Variants in MLLT6 observed in about 807,000 individuals in gnomAD.
MLLT6 encodes the protein protein AF-17.
Under a neutral mutation model 103.0 loss-of-function variants are expected in MLLT6, and 22 were observed. That is an observed-to-expected ratio of 0.21 (90% CI 0.15 to 0.31). The LOEUF (loss-of-function observed/expected upper bound fraction) is 0.31, where lower values mean the gene tolerates loss of function less well. Among genes scored for constraint, MLLT6 ranks in the 10% least tolerant of loss-of-function variants. The probability of loss-of-function intolerance (pLI) is 1.00; values close to 1 mark genes in which losing one functional copy is unlikely to be tolerated. For synonymous variants in MLLT6, 606 were observed against 623.5 expected (o/e 0.97, Z 0.42); for missense variants, 1,199 against 1,441.7 (o/e 0.83, Z 2.73).
rs1906123711 is a variant in MLLT6, at chr17:38,727,954, G to A, written c.*2356G>A. On this transcript the variant is annotated 3_prime_UTR_variant, in exon 20 of 20. Transcript: ENST00000621332. ...TACCCCGAGGTTGCCATGTTGAAGA[G>A]TGAGAGGTCCAAGTGATTCTGTGCA... The A allele has an allele frequency of 4.3e-6, 1 of 233,218 alleles. No individual in the cohort carries two copies. The allele number at this position is 233,218 out of a possible 1,614,324, so 14.4% of individuals were successfully genotyped here.
intron 14 of MLLT6, 38 bp from the exon 15 acceptor site, chr17:38,720,334 C>T (rs1249021212): frequency 6.8e-7 from 1 of 1,474,944 alleles, no homozygotes; most frequent in Non-Finnish European, 9.2e-7. Flanking sequence ...CGCCTCCGCC[C>T]CCTCGCCCCT....
At chr17:38,713,158 C>A in intron 8 of MLLT6, 1 of 644,226 alleles carries the variant, frequency 1.6e-6, no homozygotes, top group Non-Finnish European at 2.9e-6. Context: ...TACGCCCCAT[C>A]AGGAGGACAC....
Position 38,727,847 on chromosome 17 carries a change from C to T in MLLT6, c.*2249C>T, listed in dbSNP as rs1567933457. ...TTCAGAGATTCTTAGAAGAGTTGCT[C>T]ATTCACACCCACGCCCTTGCCCAAG... On this transcript the variant is annotated 3_prime_UTR_variant, in exon 20 of 20. Coordinates refer to ENST00000621332, the MANE Select transcript of MLLT6 (RefSeq NM_005937.4). 1 of 233,072 alleles carries T rather than the reference C, an allele frequency of 4.3e-6. No homozygotes were observed. 14.4% of individuals were successfully genotyped at this position (233,072 alleles called of 1,614,324 possible).
At chr17:38,712,192 C>T (rs1905165373) in intron 7 of MLLT6, 178 bp downstream of exon 7, 1 of 862,058 alleles carries the variant, frequency 1.2e-6, no homozygotes, top group African/African-American at 1.8e-5. Flanking sequence ...GAGGCGGGAG[C>T]TTGGCTTCCC....
chr17:38,729,091 G>A lies in MLLT6; in HGVS notation c.*3493G>A. ...AGAAATGAGAGGAGCCCAAGCCAGGGGCCAGCTCCGAGAAAGGGTAACCTC... is the reference window on the plus strand; with the variant it reads ...AGAAATGAGAGGAGCCCAAGCCAGGAGCCAGCTCCGAGAAAGGGTAACCTC... On this transcript the variant is annotated 3_prime_UTR_variant, in exon 20 of 20. Transcript: ENST00000621332. 4.3e-6 allele frequency: 1 copy of A among 233,258 alleles called. No individual in the cohort carries two copies. The highest frequency in any genetic ancestry group is 6.0e-5 in the East Asian group (1 of 16,582). 14.4% of individuals were successfully genotyped at this position (233,258 alleles called of 1,614,324 possible).
At chr17:38,717,301 A>G in intron 10 of MLLT6, 131 bp from the exon 11 acceptor site, 1 of 795,866 alleles carries the variant, frequency 1.3e-6, no homozygotes, top group Non-Finnish European at 2.0e-6. Context: ...TTGCAGCAAG[A>G]GGGTTAGACT....
chr17:38,717,775 C>A, intron 11 of MLLT6, 70 bp from the exon 12 acceptor site: 2 of 1,424,570 alleles, frequency 1.4e-6, no homozygotes, highest in Non-Finnish European at 9.9e-7. Context: ...CGGCCCCCTG[C>A]ACCCCGGTAC....
chr17:38,724,632 G>A lies in MLLT6; in HGVS notation c.2896G>A (p.Val966Ile). 6.3e-7 allele frequency: 1 copy of A among 1,599,892 alleles called. No homozygotes were observed. The highest frequency in any genetic ancestry group is 8.5e-7 in the Non-Finnish European group (1 of 1,171,042). Reference sequence around the variant, plus strand: ...GGCCCCCTTGCAGGAACACCAGACTGTTGTCTACCAGATGATCCAGCAGAT... The same window carrying A: ...GGCCCCCTTGCAGGAACACCAGACTATTGTCTACCAGATGATCCAGCAGAT... ...SPQLTPEHQT[V>I]VYQMIQQIQQ... Residue 966 changes from valine to isoleucine, a missense_variant, in exon 19 of 20, where the codon GTT becomes ATT. By Grantham distance (29) the Val-to-Ile change is conservative (BLOSUM62 3). Transcript: ENST00000621332. The surrounding 1 kb of genome is among the most constrained non-coding windows in gnomAD (Gnocchi z 5.4).
chr17:38,707,115 A>T, intron 2 of MLLT6, 86 bp downstream of exon 2: 1 of 1,193,554 alleles, frequency 8.4e-7, no homozygotes, highest in Non-Finnish European at 1.2e-6. Flanking sequence ...TCTGAGGCCG[A>T]GGCTAGGGTG....
In MLLT6 at chr17:38,720,562, T is replaced by G; in HGVS notation, c.2346T>G (p.Pro782=). 6.2e-7 allele frequency: 1 copy of G among 1,612,128 alleles called. No individual in the cohort carries two copies. The highest frequency in any genetic ancestry group is 8.5e-7 in the Non-Finnish European group (1 of 1,179,584). ...NGPVPGPYGL[P]PQAGSSDSLS... is the part of the protein sequence containing the mutation. ...CTGTCCCTGGGCCCTATGGCCTGCC[T>G]CCCCAAGGTGAGGGGATCCTGCCCA... Residue 782 remains proline, a synonymous_variant, in exon 15 of 20, where the codon CCT becomes CCG. Transcript: ENST00000621332.
In MLLT6 at chr17:38,721,859, C is replaced by A; in HGVS notation, c.2443-19C>A. 1.3e-6 allele frequency: 2 copies of A among 1,530,904 alleles called. No homozygotes were observed. Among genetic ancestry groups the A allele is most frequent in the Non-Finnish European group, 1.8e-6 (2 of 1,139,308 alleles). 94.8% of individuals were successfully genotyped at this position (1,530,904 alleles called of 1,614,324 possible). A position where few individuals can be genotyped will look rare whatever the true frequency, so the allele number is the denominator to read the frequency against. On this transcript the variant is annotated intron_variant, in intron 16 of 19. Transcript: ENST00000621332. ...GTCATGCTGGCCCTCTGACCCCTCC[C>A]TTCCCCCTCCCTCCCCAGGACCCAC...
At chr17:38,711,704 C>T (rs1905145765) in intron 6 of MLLT6, 143 bp from the exon 7 acceptor site, 3 of 1,024,728 alleles carry the variant, frequency 2.9e-6, no homozygotes, top group Admixed American at 3.3e-5. Flanking sequence ...CTGAGCAGAG[C>T]ATCATAGAGG....
At chr17:38,712,940 C>T (rs1905194292) in intron 8 of MLLT6, 151 bp downstream of exon 8, 1 of 753,422 alleles carries the variant, frequency 1.3e-6, no homozygotes, top group Non-Finnish European at 2.5e-6. Context: ...ATACCCTCTA[C>T]TCCTTCTTCC....
chr17:38,705,562 T>TC lies in MLLT6; in HGVS notation c.-68dup. On this transcript the variant is annotated 5_prime_UTR_variant, in exon 1 of 20. It introduces an in-frame stop codon into an upstream open reading frame of the 5' UTR. Transcript: ENST00000621332. ...AGGAGGCGCGCGGCCCCCCGCTCCC[T>TC]CCCTCCCCCCTGACCCCCGACCCCC... The TC allele has an allele frequency of 2.2e-5, 9 of 404,182 alleles. No homozygotes were observed. The highest frequency in any genetic ancestry group is 6.1e-5 in the South Asian group (2 of 32,676). The allele number at this position is 404,182 out of a possible 1,614,324, so 25.0% of individuals were successfully genotyped here. A position where few individuals can be genotyped will look rare whatever the true frequency, so the allele number is the denominator to read the frequency against.
At position 38,713,129 on chromosome 17, in the gene MLLT6, A is replaced by G. The variant is rs906021254; in HGVS notation, c.819+340A>G. The G allele has an allele frequency of 2.1e-5, 15 of 711,264 alleles. No individual in the cohort carries two copies. The Admixed American group carries it at 2.9e-4, about 14-fold the overall frequency. 44.1% of individuals were successfully genotyped at this position (711,264 alleles called of 1,614,324 possible). A position where few individuals can be genotyped will look rare whatever the true frequency, so the allele number is the denominator to read the frequency against. On this transcript the variant is annotated intron_variant, in intron 8 of 19. Transcript: ENST00000621332. The stretch of plus-strand genomic sequence containing the variant: ...AGTTCTAGGGCCCCTGTCCCCAGAG[A>G]TCGGTAGAGGACATCCCCTACGCCC...
At chr17:38,710,737 ACAGT>A (rs1905115119) in intron 6 of MLLT6, among the ~76,000 whole-genome samples, 1 of 152,172 alleles carries the variant, frequency 6.6e-6, no homozygotes, top group Non-Finnish European at 1.5e-5. Flanking sequence ...TTTGCCCCAG[ACAGT>A]CCCAGTTTAT....
At position 38,726,035 on chromosome 17, in the gene MLLT6, G is replaced by A. The variant is rs1362571733; in HGVS notation, c.*437G>A. On this transcript the variant is annotated 3_prime_UTR_variant, in exon 20 of 20. Coordinates refer to ENST00000621332, the MANE Select transcript of MLLT6 (RefSeq NM_005937.4). ...GGAAATCTTTTATGGAAGAAGGGCT[G>A]GACCCACTTTACCTGCAGTTTCTTC... 3 of 246,692 alleles carry A rather than the reference G, an allele frequency of 1.2e-5. No individual in the cohort carries two copies. Among genetic ancestry groups the A allele is most frequent in the Non-Finnish European group, 2.4e-5 (3 of 127,482 alleles). 15.3% of individuals were successfully genotyped at this position (246,692 alleles called of 1,614,324 possible).
chr17:38,719,644 G>A, intron 13 of MLLT6, 61 bp downstream of exon 13: 1 of 1,569,608 alleles, frequency 6.4e-7, no homozygotes. Flanking sequence ...GAGGGAGGAG[G>A]GACGGAGAGA....
intron 7 of MLLT6, 163 bp downstream of exon 7, chr17:38,712,177 G>A (rs1180888446): frequency 2.0e-5 from 19 of 935,276 alleles, no homozygotes; most frequent in Non-Finnish European, 2.4e-5. Context: ...AAACGGTGGG[G>A]GGGTGAGGCG....
Sources: gnomAD v4.1 joint callset for allele counts (sites outside exome capture counted in the v4.1 genomes callset) on GRCh38, gnomAD v4.1.1 for gene constraint, Gnocchi (gnomAD v3.1) non-coding constraint, MANE v1.5 for transcripts, NCBI Gene and HGNC (gene_info 2026-07-23, HGNC 2026-07-21) for gene names.